Variants in PLB1 observed in about 807,000 individuals in gnomAD.
The protein encoded by PLB1 is phospholipase B1, also known as phospholipase B1, membrane-associated.
A neutral mutation model predicts 227.4 loss-of-function variants in PLB1; 242 were observed. The observed-to-expected ratio is 1.06, with a 90% CI of 0.96 to 1.18. PLB1 has a LOEUF of 1.18. Among genes scored for constraint, PLB1 ranks in the 50% most tolerant of loss-of-function variants. PLB1 has a pLI of 0.00. For synonymous variants in PLB1, 757 were observed against 682.2 expected (o/e 1.11, Z -1.71); for missense variants, 1,858 against 1,816.3 (o/e 1.02, Z -0.42).
At chr2:28,584,594 A>G (rs1253193512) in intron 25 of PLB1, among the ~76,000 whole-genome samples, 1 of 152,206 alleles carries the variant, frequency 6.6e-6, no homozygotes, top group South Asian at 2.1e-4. Flanking sequence ...GCCCATTCAC[A>G]GATCTGAGAT....
rs1668884999 is a variant in PLB1 at position 28,516,669 on chromosome 2, G to C, written c.56-139G>C. 8 of 712,060 alleles carry C rather than the reference G, an allele frequency of 1.1e-5. No homozygotes were observed. In the South Asian group the frequency reaches 1.3e-4, roughly 11 times the overall value. The allele number at this position is 712,060 out of a possible 1,614,324, so 44.1% of individuals were successfully genotyped here. ...AATGGAGGGGATAGCTGGACAAATA[G>C]AATCTGGGCTTCCCTAACACAGTGG... On this transcript the variant is annotated intron_variant, in intron 1 of 57. Transcript: ENST00000327757.
Position 28,533,244 on chromosome 2 carries a change from T to C in PLB1, c.555+1050T>C, listed in dbSNP as rs576541928. ...AGTGATGTCAAGCCTTGGAAGAACATTGATGGAAATCCACCTTCCTGACTA... is the reference window on the plus strand; with the variant it reads ...AGTGATGTCAAGCCTTGGAAGAACACTGATGGAAATCCACCTTCCTGACTA... On this transcript the variant is annotated intron_variant, in intron 9 of 57. Coordinates refer to ENST00000327757, the MANE Select transcript of PLB1 (RefSeq NM_153021.5). Among the ~76,000 whole-genome samples, 31 of 152,326 alleles carry C rather than the reference T, an allele frequency of 2.0e-4. 1 individual carries two copies. Among genetic ancestry groups the C allele is most frequent in the Admixed American group, 1.4e-3 (22 of 15,302 alleles).
At chr2:28,594,063 T>A (rs770561277) in intron 33 of PLB1, 2 of 671,242 alleles carry the variant, frequency 3.0e-6, no homozygotes, top group African/African-American at 3.5e-5. Context: ...AATCTTCACC[T>A]CCCCGCTTGC....
At chr2:28,533,803 G>T (rs1389893538) in intron 9 of PLB1, among the ~76,000 whole-genome samples, 1 of 152,070 alleles carries the variant, frequency 6.6e-6, no homozygotes, top group African/African-American at 2.4e-5. Flanking sequence ...ATAAATTCTT[G>T]CATGCTTTCA....
At chr2:28,540,311 C>T (rs1672302517) in intron 11 of PLB1, 55 bp from the exon 12 acceptor site, 3 of 1,497,990 alleles carry the variant, frequency 2.0e-6, no homozygotes, top group Middle Eastern at 1.7e-4. Flanking sequence ...GATGCATCCC[C>T]TTCCCTGCCC....
In PLB1 at chr2:28,605,867, T is replaced by G; in HGVS notation, c.2976T>G (p.Asp992Glu). 6.2e-7 allele frequency: 1 copy of G among 1,613,608 alleles called. No individual in the cohort carries two copies. Residue 992 changes from aspartate to glutamate, a missense_variant, in exon 42 of 58, where the codon GAT (aspartate) becomes GAG (glutamate). Asp to Glu is a conservative substitution (Grantham distance 45). Coordinates refer to ENST00000327757, the MANE Select transcript of PLB1 (RefSeq NM_153021.5). ...GTCTCTTTCAGGATGGGCTCCCAGA[T>G]ACGTCCTTCTTTGCCCCAGACTGCA... ...QLPVLADGLPDTSFFAPDCIH... is the reference protein window; with the variant it reads ...QLPVLADGLPETSFFAPDCIH...
rs772387941 is a variant in PLB1 at position 28,579,639 on chromosome 2, C to A, written c.1498C>A (p.Gln500Lys). Reference protein sequence around the residue: ...LMKNDTRIHFQEDWKIITLFI... With the variant: ...LMKNDTRIHFKEDWKIITLFI... ...CTATTCATTTCAGAGGATACACTTT[C>A]AGGAAGACTGGAAGATAATAACCCT... Residue 500 changes from glutamine to lysine, a missense_variant, in exon 23 of 58, where the codon CAG becomes AAG. By Grantham distance (53) the Gln-to-Lys change is moderately conservative. Transcript: ENST00000327757. 7.8e-5 allele frequency: 125 copies of A among 1,612,138 alleles called. No homozygotes were observed. Among genetic ancestry groups the A allele is most frequent in the Admixed American group, 1.0e-4 (6 of 59,994 alleles).
At chr2:28,616,923 T>A (rs1044106464) in intron 44 of PLB1, among the ~76,000 whole-genome samples, 3 of 152,202 alleles carry the variant, frequency 2.0e-5, no homozygotes, top group African/African-American at 7.2e-5. Flanking sequence ...GCAGTCAGAC[T>A]CCTGGACAGT....
intron 16 of PLB1, among the ~76,000 whole-genome samples, chr2:28,551,931 A>G (rs902390594): frequency 1.3e-5 from 2 of 152,252 alleles, no homozygotes; most frequent in Non-Finnish European, 2.9e-5. Flanking sequence ...TCAGTGAGGC[A>G]GGAACTCAGG....
intron 8 of PLB1, among the ~76,000 whole-genome samples, chr2:28,530,902 T>C (rs921766975): frequency 6.6e-6 from 1 of 152,254 alleles, no homozygotes; most frequent in Admixed American, 6.5e-5. Flanking sequence ...ATAATGATTA[T>C]TCTATAAAAT....
At chr2:28,533,138 T>C (rs569338143) in intron 9 of PLB1, among the ~76,000 whole-genome samples, 1 of 152,188 alleles carries the variant, frequency 6.6e-6, no homozygotes, top group Admixed American at 6.6e-5. Flanking sequence ...GCCCCTCTCC[T>C]ACAGTAGATA....
chr2:28,555,494 T>A (rs973026761), intron 17 of PLB1, among the ~76,000 whole-genome samples: 2 of 152,216 alleles, frequency 1.3e-5, no homozygotes, highest in African/African-American at 4.8e-5. Context: ...ACTGATGGGG[T>A]AGGTAAAAAG....
chr2:28,604,570 G>A, intron 40 of PLB1, 85 bp from the exon 41 acceptor site: 1 of 1,022,000 alleles, frequency 9.8e-7, no homozygotes, highest in Non-Finnish European at 1.5e-6. Flanking sequence ...CAGGGAGATG[G>A]ACTGCCCACC....
At chr2:28,612,215 G>A (rs1368332820) in intron 43 of PLB1, among the ~76,000 whole-genome samples, 2 of 152,200 alleles carry the variant, frequency 1.3e-5, no homozygotes, top group Non-Finnish European at 2.9e-5. Flanking sequence ...CCAGGGAAAG[G>A]GGAGACTTGT....
chr2:28,581,486 AAAATAAATAAATAAATAAATAAAT>A (rs565442462), intron 23 of PLB1, among the ~76,000 whole-genome samples: 3 of 111,160 alleles, frequency 2.7e-5, no homozygotes, highest in South Asian at 2.9e-4. Flanking sequence ...TCCACGCAAA[AAAATAAATAAATAAATAAATAAAT>A]AAATAAATAA....
In PLB1 at chr2:28,626,474, G is replaced by A. The variant is rs1250996889; in HGVS notation, c.3626G>A (p.Gly1209Glu). 2 of 1,614,026 alleles carry A rather than the reference G, an allele frequency of 1.2e-6. No individual in the cohort carries two copies. The highest frequency in any genetic ancestry group is 1.7e-6 in the Non-Finnish European group (2 of 1,180,026). The change falls in exon 51 of 58, where the codon GGG (glycine) becomes GAG (glutamate). Residue 1209 changes from glycine (G) to glutamate (E), a missense_variant. By Grantham distance (98) the Gly-to-Glu change is moderately conservative (BLOSUM62 -2). Transcript: ENST00000327757. Reference protein sequence around the residue: ...KDWKLVTLFIGVNDLCHYCEN... With the variant: ...KDWKLVTLFIEVNDLCHYCEN... ...TGGAAGCTGGTCACACTCTTCATTG[G>A]GGTCAACGACTTGTGTCATTACTGT...
At chr2:28,606,898 G>A (rs529326788) in intron 43 of PLB1, among the ~76,000 whole-genome samples, 131 of 152,292 alleles carry the variant, frequency 8.6e-4, no homozygotes, top group African/African-American at 2.9e-3. Flanking sequence ...CTTAGCAGTG[G>A]TGTTTGGGGC....
intron 20 of PLB1, among the ~76,000 whole-genome samples, chr2:28,568,710 A>T (rs1167663257): frequency 4.6e-5 from 7 of 152,306 alleles, no homozygotes; most frequent in Non-Finnish European, 1.0e-4. Context: ...ATATTTATAG[A>T]TGTGTACAAA....
At chr2:28,620,043 G>A (rs1253249417) in intron 46 of PLB1, among the ~76,000 whole-genome samples, 3 of 152,132 alleles carry the variant, frequency 2.0e-5, no homozygotes, top group Admixed American at 6.5e-5. Context: ...TAGGGAGAGT[G>A]GAAAGGAGGA....
Sources: gnomAD v4.1 joint callset for allele counts (sites outside exome capture counted in the v4.1 genomes callset) on GRCh38, gnomAD v4.1.1 for gene constraint, MANE v1.5 for transcripts, NCBI Gene and HGNC (gene_info 2026-07-23, HGNC 2026-07-21) for gene names.